TFAP2D: variants seen among roughly 807,000 people sequenced by gnomAD.
TFAP2D encodes transcription factor AP-2 delta.
A neutral mutation model predicts 43.6 loss-of-function variants in TFAP2D; 9 were observed. The ratio of observed to expected loss-of-function variants is 0.21; its 90% CI spans 0.12 to 0.36. The LOEUF is 0.36. Ranked by LOEUF, TFAP2D falls within the 10% of genes least tolerant of loss-of-function variation. The pLI is 1.00. For synonymous variants in TFAP2D, 256 were observed against 224.9 expected, an observed-to-expected ratio of 1.14 and a Z score of -1.24; for missense variants, 513 against 561.4, an observed-to-expected ratio of 0.91 and a Z score of 0.87.
chr6:50,745,575 A>G (rs1256469254), intron 6 of TFAP2D, among the ~76,000 whole-genome samples: 1 of 152,124 alleles, frequency 6.6e-6, no homozygotes, highest in African/African-American at 2.4e-5. Context: ...TTGCTATGTA[A>G]TTTGGTCTAA....
chr6:50,745,332 A>C, intron 6 of TFAP2D, 84 bp downstream of exon 6: 1 of 1,564,692 alleles, frequency 6.4e-7, no homozygotes, highest in Middle Eastern at 1.7e-4. Flanking sequence ...AACAGTCTAG[A>C]AGGCACCCGT....
At chr6:50,740,153 C>T (rs529904430) in intron 5 of TFAP2D, among the ~76,000 whole-genome samples, 15 of 152,220 alleles carry the variant, frequency 9.9e-5, no homozygotes, top group African/African-American at 3.4e-4. Context: ...TGTGCTATTT[C>T]CCTATATGTG....
chr6:50,715,433 G>C lies in TFAP2D; in HGVS notation c.357G>C (p.Ala119=), dbSNP rs1768602997. The C allele has an allele frequency of 3.1e-6, 5 of 1,613,962 alleles. No individual in the cohort carries two copies. Among genetic ancestry groups the C allele is most frequent in the Non-Finnish European group, 4.2e-6 (5 of 1,180,046 alleles). Residue 119 remains alanine, a synonymous_variant, in exon 2 of 8, where the codon GCG becomes GCC. Transcript: ENST00000008391. ...EPTDFINLHN[A]RALKSSCLDE... The stretch of plus-strand genomic sequence containing the variant: ...CCGACTTTATTAACCTGCACAATGC[G>C]CGGGCGCTCAAGTCGTCCTGCCTGG...
chr6:50,752,450 A>G (rs1581773669), intron 7 of TFAP2D, among the ~76,000 whole-genome samples: 1 of 152,056 alleles, frequency 6.6e-6, no homozygotes, highest in South Asian at 2.1e-4. Flanking sequence ...TTAAACAATG[A>G]TAAGGAAAGA....
rs1292341597 is a variant in TFAP2D, at chr6:50,726,544, G to A, written c.599-2312G>A. Among the ~76,000 whole-genome samples the A allele has an allele frequency of 2.0e-5, 3 of 152,152 alleles. No individual in the cohort carries two copies. The East Asian group carries it at 5.8e-4, about 29-fold the overall frequency. On this transcript the variant is annotated intron_variant, in intron 3 of 7. Transcript: ENST00000008391. Reference sequence around the variant, plus strand: ...ATGATTTATAGTGACTGTGAGTAGAGATCCATTTTTAGAAGAGGGCTATGT... The same window carrying A: ...ATGATTTATAGTGACTGTGAGTAGAAATCCATTTTTAGAAGAGGGCTATGT...
In TFAP2D at chr6:50,751,333, G is replaced by C. The variant is rs759507061; in HGVS notation, c.1139+9G>C. On this transcript the variant is annotated intron_variant, in intron 7 of 7. Coordinates refer to ENST00000008391, the MANE Select transcript of TFAP2D (RefSeq NM_172238.4). Reference sequence around the variant, plus strand: ...CATTTAACACATTTCAGGTAAGACTGGTTTTCCAGTTTGCTCAAATTCTTT... The same window carrying C: ...CATTTAACACATTTCAGGTAAGACTCGTTTTCCAGTTTGCTCAAATTCTTT... 3 of 1,592,038 alleles carry C rather than the reference G, an allele frequency of 1.9e-6. No individual in the cohort carries two copies. Among genetic ancestry groups the C allele is most frequent in the South Asian group, 2.2e-5 (2 of 90,530 alleles).
chr6:50,763,401 T>C (rs1406801939), intron 7 of TFAP2D, among the ~76,000 whole-genome samples: 2 of 152,142 alleles, frequency 1.3e-5, no homozygotes, highest in Non-Finnish European at 2.9e-5. Flanking sequence ...TTTGCTGTTA[T>C]CTAGCTTACC....
intron 7 of TFAP2D, among the ~76,000 whole-genome samples, chr6:50,771,245 A>C (rs924588301): frequency 6.6e-6 from 1 of 152,166 alleles, no homozygotes; most frequent in African/African-American, 2.4e-5. Flanking sequence ...CTGGAGATGA[A>C]TAGGTTCCTT....
chr6:50,715,961 G>C (rs1352705139), intron 2 of TFAP2D, among the ~76,000 whole-genome samples: 1 of 152,104 alleles, frequency 6.6e-6, no homozygotes, highest in Non-Finnish European at 1.5e-5. Context: ...GGATGAGGTG[G>C]AGGAGATCGA....
intron 2 of TFAP2D, among the ~76,000 whole-genome samples, chr6:50,716,450 G>A (rs1460867300): frequency 1.4e-5 from 2 of 142,432 alleles, no homozygotes; most frequent in East Asian, 2.2e-4. Flanking sequence ...AAGGAAGGAA[G>A]GAAGGAGAAA....
chr6:50,737,675 C>G (rs775396368), intron 5 of TFAP2D, among the ~76,000 whole-genome samples: 4 of 152,096 alleles, frequency 2.6e-5, no homozygotes, highest in Non-Finnish European at 5.9e-5. Context: ...TCTGTAGATA[C>G]TATTTTGCAA....
intron 7 of TFAP2D, among the ~76,000 whole-genome samples, chr6:50,757,747 T>TA (rs1318662114): frequency 2.0e-4 from 14 of 70,556 alleles, no homozygotes; most frequent in African/African-American, 6.6e-4. Flanking sequence ...AGAATATATA[T>TA]AATTATTCTA....
intron 6 of TFAP2D, among the ~76,000 whole-genome samples, chr6:50,746,624 T>G (rs767909480): frequency 6.6e-6 from 1 of 152,170 alleles, no homozygotes; most frequent in Admixed American, 6.6e-5. Context: ...AATTATTTAA[T>G]GCCTTTACAA....
At chr6:50,756,959 C>T (rs1262997920) in intron 7 of TFAP2D, among the ~76,000 whole-genome samples, 1 of 151,766 alleles carries the variant, frequency 6.6e-6, no homozygotes, top group Non-Finnish European at 1.5e-5. Flanking sequence ...CCCTGTTGGT[C>T]TCTTATGTTC....
chr6:50,753,970 C>T (rs1769231709), intron 7 of TFAP2D, among the ~76,000 whole-genome samples: 1 of 151,862 alleles, frequency 6.6e-6, no homozygotes, highest in Admixed American at 6.6e-5. Context: ...ATATCTTTTT[C>T]TTAAACTGTG....
intron 5 of TFAP2D, among the ~76,000 whole-genome samples, chr6:50,732,782 C>A (rs1768912243): frequency 6.6e-6 from 1 of 152,076 alleles, no homozygotes; most frequent in Non-Finnish European, 1.5e-5. Context: ...TCACAAACAA[C>A]ACTTGTTACT....
intron 3 of TFAP2D, 63 bp from the exon 4 acceptor site, chr6:50,728,793 G>A: frequency 6.5e-7 from 1 of 1,528,706 alleles, no homozygotes; most frequent in Non-Finnish European, 9.0e-7. Flanking sequence ...GATGTTAACT[G>A]CCTCTCATGC....
At chr6:50,761,458 G>A (rs536256314) in intron 7 of TFAP2D, among the ~76,000 whole-genome samples, 1 of 152,076 alleles carries the variant, frequency 6.6e-6, no homozygotes, top group East Asian at 1.9e-4. Flanking sequence ...AGACACAACT[G>A]AGTGATCTAA....
intron 3 of TFAP2D, among the ~76,000 whole-genome samples, chr6:50,725,874 G>A (rs889834873): frequency 2.6e-5 from 4 of 152,130 alleles, no homozygotes; most frequent in African/African-American, 7.2e-5. Flanking sequence ...CTTTAGCCAG[G>A]ACTAGAGAGT....
Sources: allele counts gnomAD v4.1 joint callset (sites outside exome capture counted in the v4.1 genomes callset), GRCh38; gene constraint gnomAD v4.1.1; transcripts MANE v1.5; gene names NCBI Gene and HGNC (gene_info 2026-07-23, HGNC 2026-07-21).